The following SAXO1 variants were observed in gnomAD, a reference collection of about 807,000 sequenced individuals.
SAXO1 encodes stabilizer of axonemal microtubules 1.
SAXO1 carries 21 observed loss-of-function variants against 17.5 expected under a neutral mutation model. That is an observed-to-expected ratio of 1.20 (90% confidence interval 0.85 to 1.72). The LOEUF (loss-of-function observed/expected upper bound fraction) is 1.72. SAXO1 is among the 40% of genes most tolerant of loss of function. The pLI is 0.00. For missense variants in SAXO1, 843 were observed against 596.0 expected, an observed-to-expected ratio of 1.41 and a Z score of -4.32; for synonymous variants, 274 against 216.5, an observed-to-expected ratio of 1.27 and a Z score of -2.33.
At chr9:19,029,030 A>G (rs764502688) in intron 1 of SAXO1, among the ~76,000 whole-genome samples, 96 of 152,306 alleles carry the variant, frequency 6.3e-4, no homozygotes, top group Middle Eastern at 3.4e-3. Flanking sequence ...ATTGATCAGG[A>G]AACGTCTGCC....
chr9:19,013,025 C>G (rs1258265016), intron 1 of SAXO1, among the ~76,000 whole-genome samples: 2 of 152,288 alleles, frequency 1.3e-5, no homozygotes, highest in Non-Finnish European at 2.9e-5. Flanking sequence ...CAACCTTTCA[C>G]AACCTCCACC....
At chr9:19,026,772 TG>T (rs1835490880) in intron 1 of SAXO1, 1 of 458,434 alleles carries the variant, frequency 2.2e-6, no homozygotes, top group African/African-American at 2.0e-5. Context: ...AGCTCACACC[TG>T]TAGTCTGAGC....
rs189662822 is a variant in SAXO1, at chr9:19,028,149, G to A, written c.38+4722C>T. The A allele has an allele frequency of 9.0e-4, 1,387 of 1,544,172 alleles. 17 individuals carry two copies. The highest frequency in any genetic ancestry group is 7.9e-5 in the Non-Finnish European group (89 of 1,119,998). On this transcript the variant is annotated intron_variant, in intron 1 of 3. Transcript: ENST00000380534. Reference sequence around the variant, plus strand: ...ACTACGCCTAGGGCACGGCAGGCCAGCCCCGGACTCGCGGCTGAAGTGCGC... The same window carrying A: ...ACTACGCCTAGGGCACGGCAGGCCAACCCCGGACTCGCGGCTGAAGTGCGC...
chr9:18,960,836 T>G (rs534608105), intron 1 of SAXO1, among the ~76,000 whole-genome samples: 28 of 152,266 alleles, frequency 1.8e-4, no homozygotes, highest in African/African-American at 6.5e-4. Context: ...ATGATTTAAT[T>G]TATATGAATT....
chr9:18,990,274 A>G (rs549993603), intron 1 of SAXO1, among the ~76,000 whole-genome samples: 1 of 152,322 alleles, frequency 6.6e-6, no homozygotes, highest in East Asian at 1.9e-4. Flanking sequence ...TTCAAAGGGT[A>G]TAACAAACGC....
At chr9:18,961,136 T>C (rs1395315210) in intron 1 of SAXO1, among the ~76,000 whole-genome samples, 2 of 152,148 alleles carry the variant, frequency 1.3e-5, no homozygotes, top group South Asian at 2.1e-4. Context: ...GAGGAAAATT[T>C]TGCTTGATCT....
intron 2 of SAXO1, among the ~76,000 whole-genome samples, chr9:18,949,846 C>G (rs1017231988): frequency 2.6e-5 from 4 of 152,218 alleles, no homozygotes; most frequent in Non-Finnish European, 4.4e-5. Flanking sequence ...GATGTGCAAG[C>G]ATTGTGCTGG....
At chr9:19,008,326 CA>C (rs1834574423) in intron 1 of SAXO1, among the ~76,000 whole-genome samples, 1 of 152,142 alleles carries the variant, frequency 6.6e-6, no homozygotes, top group Non-Finnish European at 1.5e-5. Flanking sequence ...TCTAAATTAT[CA>C]ACTCAGTAAA....
upstream of SAXO1, among the ~76,000 whole-genome samples, chr9:19,036,743 C>A (rs1835951126): frequency 1.3e-5 from 2 of 152,186 alleles, no homozygotes; most frequent in South Asian, 4.1e-4. Context: ...TTGGAACTCT[C>A]ATGGAGAACC....
intron 1 of SAXO1, among the ~76,000 whole-genome samples, chr9:18,985,108 T>C (rs1467534902): frequency 6.6e-6 from 1 of 151,994 alleles, no homozygotes; most frequent in African/African-American, 2.4e-5. Context: ...TCTCAATGAA[T>C]AGGGAGGCCC....
chr9:19,001,633 T>C, intron 1 of SAXO1, among the ~76,000 whole-genome samples: 1 of 149,508 alleles, frequency 6.7e-6, no homozygotes, highest in Admixed American at 6.7e-5. Context: ...CGCATTGCAC[T>C]CTAGCCTGGG....
At chr9:19,001,922 CA>C (rs1364681628) in intron 1 of SAXO1, among the ~76,000 whole-genome samples, 1 of 151,716 alleles carries the variant, frequency 6.6e-6, no homozygotes, top group Non-Finnish European at 1.5e-5. Context: ...GATAGAGACA[CA>C]AAAAACCCTT....
intron 1 of SAXO1, among the ~76,000 whole-genome samples, chr9:19,024,834 T>C (rs1426335960): frequency 6.6e-6 from 1 of 152,010 alleles, no homozygotes; most frequent in Non-Finnish European, 1.5e-5. Context: ...AAATAAACTA[T>C]AAATCACCTG....
At chr9:19,022,949 A>G (rs923116899) in intron 1 of SAXO1, among the ~76,000 whole-genome samples, 1 of 152,130 alleles carries the variant, frequency 6.6e-6, no homozygotes, top group African/African-American at 2.4e-5. Context: ...CAAAGTTCAA[A>G]ACTGAACAGC....
At chr9:19,020,407 G>A (rs1430990330) in intron 1 of SAXO1, among the ~76,000 whole-genome samples, 3 of 150,704 alleles carry the variant, frequency 2.0e-5, no homozygotes, top group Non-Finnish European at 4.4e-5. Flanking sequence ...TCAGTGGTGC[G>A]ATCTCAGCTC....
chr9:18,934,101 T>G (rs1219034715), intron 3 of SAXO1, among the ~76,000 whole-genome samples: 4 of 152,182 alleles, frequency 2.6e-5, no homozygotes, highest in Admixed American at 2.6e-4. Context: ...GATGAGTCAT[T>G]TCTCTTTTGC....
At chr9:18,941,539 CT>C (rs1831557613) in intron 3 of SAXO1, 97 bp downstream of exon 3, 3 of 1,403,166 alleles carry the variant, frequency 2.1e-6, no homozygotes, top group African/African-American at 1.4e-5. Flanking sequence ...AGTCTGCCAA[CT>C]CTTGCACTAA....
intron 1 of SAXO1, among the ~76,000 whole-genome samples, chr9:19,022,903 G>A (rs916794783): frequency 2.6e-5 from 4 of 152,114 alleles, no homozygotes; most frequent in East Asian, 1.9e-4. Flanking sequence ...CAGGGAGTAC[G>A]TCTTTAATCC....
At chr9:19,009,484 G>A (rs1197106868) in intron 1 of SAXO1, among the ~76,000 whole-genome samples, 10 of 152,132 alleles carry the variant, frequency 6.6e-5, no homozygotes, top group African/African-American at 1.9e-4. Flanking sequence ...GTTATAAGAC[G>A]TGGCAAAAAG....
Sources: gnomAD v4.1 joint callset for allele counts (sites outside exome capture counted in the v4.1 genomes callset) on GRCh38, gnomAD v4.1.1 for gene constraint, MANE v1.5 for transcripts, NCBI Gene and HGNC (gene_info 2026-07-23, HGNC 2026-07-21) for gene names.